Variants in SYTL3 observed in about 807,000 individuals in gnomAD.
SYTL3 encodes synaptotagmin-like protein 3.
SYTL3 carries 88 observed loss-of-function variants against 82.1 expected under a neutral mutation model. The ratio of observed to expected loss-of-function variants is 1.07; its 90% CI spans 0.90 to 1.28. The LOEUF is 1.28. SYTL3 is among the 50% of genes most tolerant of loss of function. SYTL3 has a pLI of 0.00. For synonymous variants in SYTL3, 311 were observed against 289.4 expected (o/e 1.07, Z -0.76); for missense variants, 831 against 757.6 (o/e 1.10, Z -1.14).
At chr6:158,682,874 C>A in intron 5 of SYTL3, 51 bp from the exon 6 acceptor site, 3 of 1,386,502 alleles carry the variant, frequency 2.2e-6, no homozygotes, top group Non-Finnish European at 3.1e-6. Context: ...GTAAATATAG[C>A]ACTATTCATA....
At chr6:158,700,185 G>A (rs980550647) in intron 6 of SYTL3, among the ~76,000 whole-genome samples, 2 of 152,086 alleles carry the variant, frequency 1.3e-5, no homozygotes, top group East Asian at 3.9e-4. Flanking sequence ...GAACCCGGGA[G>A]GCAGAGGTTG....
intron 5 of SYTL3, among the ~76,000 whole-genome samples, chr6:158,675,885 G>C (rs1452714975): frequency 6.6e-6 from 1 of 152,154 alleles, no homozygotes; most frequent in African/African-American, 2.4e-5. Flanking sequence ...GGGAGGCGGA[G>C]CTTGCAATGA....
intron 5 of SYTL3, among the ~76,000 whole-genome samples, chr6:158,674,122 G>A (rs61589661): frequency 0.25 from 27,659 of 109,274 alleles, 3,677 homozygotes; most frequent in East Asian, 0.72. Flanking sequence ...TAATAATAAT[G>A]ATGATGATGA....
intron 7 of SYTL3, 115 bp downstream of exon 7, chr6:158,707,396 CTCTT>C (rs1782222489): frequency 1.4e-6 from 1 of 719,750 alleles, no homozygotes; most frequent in Non-Finnish European, 2.2e-6. Context: ...TGGAATGTGA[CTCTT>C]TTTTTTTTTT....
At chr6:158,694,774 C>T (rs58638274) in intron 6 of SYTL3, among the ~76,000 whole-genome samples, 5,908 of 152,214 alleles carry the variant, frequency 0.039, 404 homozygotes, top group African/African-American at 0.13. Context: ...TGAGCGCCTG[C>T]GTTCCTTCCA....
At chr6:158,713,992 G>A in intron 9 of SYTL3, 114 bp downstream of exon 9, 1 of 749,034 alleles carries the variant, frequency 1.3e-6, no homozygotes, top group South Asian at 1.5e-5. Flanking sequence ...CACTCACTTT[G>A]TCTCTGGACC....
intron 12 of SYTL3, among the ~76,000 whole-genome samples, chr6:158,746,051 C>T (rs1012426215): frequency 3.3e-5 from 5 of 152,038 alleles, no homozygotes; most frequent in Non-Finnish European, 7.4e-5. Context: ...CTAGTGAGGG[C>T]CCCCTTTCTG....
intron 10 of SYTL3, among the ~76,000 whole-genome samples, chr6:158,725,155 A>G (rs745803262): frequency 6.6e-6 from 1 of 152,242 alleles, no homozygotes; most frequent in Non-Finnish European, 1.5e-5. Flanking sequence ...GCTAATTATT[A>G]TATATCAAGT....
chr6:158,664,963 C>A (rs75877261), intron 4 of SYTL3, among the ~76,000 whole-genome samples: 3,835 of 152,212 alleles, frequency 0.025, 168 homozygotes, highest in African/African-American at 0.087. Flanking sequence ...AACTTATACC[C>A]ATAGCAGGAT....
At chr6:158,727,168 T>TTTTA (rs1424902543) in intron 11 of SYTL3, among the ~76,000 whole-genome samples, 1 of 151,550 alleles carries the variant, frequency 6.6e-6, no homozygotes, top group Non-Finnish European at 1.5e-5. Context: ...TTTATTTTAA[T>TTTTA]TTTATTTATT....
At chr6:158,722,639 A>G (rs1316741440) in intron 10 of SYTL3, among the ~76,000 whole-genome samples, 3 of 151,970 alleles carry the variant, frequency 2.0e-5, no homozygotes, top group Non-Finnish European at 4.4e-5. Context: ...GTATTGACCT[A>G]TATTGGCCAT....
At chr6:158,740,079 A>T (rs1260651374) in intron 11 of SYTL3, among the ~76,000 whole-genome samples, 1 of 143,524 alleles carries the variant, frequency 7.0e-6, no homozygotes, top group Admixed American at 7.3e-5. Flanking sequence ...TCACTGCAAC[A>T]TCTGCCTCCT....
chr6:158,693,087 G>A (rs1156566016), intron 6 of SYTL3, among the ~76,000 whole-genome samples: 1 of 152,170 alleles, frequency 6.6e-6, no homozygotes, highest in Non-Finnish European at 1.5e-5. Context: ...GATTCCACAA[G>A]GATGATTCTG....
At chr6:158,699,511 G>T (rs1347003205) in intron 6 of SYTL3, among the ~76,000 whole-genome samples, 2 of 152,180 alleles carry the variant, frequency 1.3e-5, no homozygotes, top group South Asian at 2.1e-4. Context: ...AGCTTCAGGG[G>T]CAGGACTGGT....
At position 158,748,977 on chromosome 6, in the gene SYTL3, T is replaced by C. The variant is rs533308349; in HGVS notation, c.1035-2951T>C. ...GGCTCATGGCTGCAAGCCCAGCACT[T>C]TGGGAAGCCGAGAAGGGTGGATCAC... On this transcript the variant is annotated intron_variant, in intron 12 of 17. Transcript: ENST00000611299. 3.9e-5 allele frequency among the ~76,000 whole-genome samples: 6 copies of C among 152,032 alleles called. No individual in the cohort carries two copies. In the South Asian group the frequency reaches 1.0e-3, roughly 26 times the overall value.
intron 6 of SYTL3, among the ~76,000 whole-genome samples, chr6:158,699,054 CCTT>C (rs1780870428): frequency 6.6e-6 from 1 of 152,210 alleles, no homozygotes; most frequent in Non-Finnish European, 1.5e-5. Flanking sequence ...GTGTGCATGA[CCTT>C]CTGCACACAG....
intron 14 of SYTL3, among the ~76,000 whole-genome samples, chr6:158,757,672 C>T (rs1485514562): frequency 7.2e-5 from 11 of 152,346 alleles, no homozygotes; most frequent in South Asian, 2.1e-4. Context: ...GGAGGCCTCC[C>T]TTTGCTGGTG....
intron 5 of SYTL3, 38 bp downstream of exon 5, chr6:158,665,651 C>G: frequency 6.8e-7 from 1 of 1,477,802 alleles, no homozygotes; most frequent in Non-Finnish European, 9.1e-7. Context: ...CCCACTGATT[C>G]AGGTCTCGGA....
At chr6:158,653,216 A>G (rs568616792) in intron 2 of SYTL3, among the ~76,000 whole-genome samples, 17 of 152,250 alleles carry the variant, frequency 1.1e-4, no homozygotes, top group African/African-American at 3.1e-4. Flanking sequence ...TAAAGAATCT[A>G]TGCAAGCAGG....
Sources: gnomAD v4.1 joint callset for allele counts (sites outside exome capture counted in the v4.1 genomes callset) on GRCh38, gnomAD v4.1.1 for gene constraint, MANE v1.5 for transcripts, NCBI Gene and HGNC (gene_info 2026-07-23, HGNC 2026-07-21) for gene names.